The following USP6NL variants were observed in gnomAD, a reference collection of about 807,000 sequenced individuals.
The protein encoded by USP6NL is USP6 N-terminal like, also known as USP6 N-terminal-like protein.
Under a neutral mutation model 61.9 loss-of-function variants are expected in USP6NL, and 26 were observed. The observed-to-expected ratio is 0.42, with a 90% CI of 0.31 to 0.58. The LOEUF (loss-of-function observed/expected upper bound fraction) is 0.58. USP6NL is among the 20% of genes least tolerant of loss of function. USP6NL has a pLI of 0.16. For missense variants in USP6NL, 1,114 were observed against 1,034.3 expected (o/e 1.08, Z -1.06); for synonymous variants, 432 against 390.1 (o/e 1.11, Z -1.27).
Position 11,513,028 on chromosome 10 carries a change from G to A in USP6NL, c.196-3353C>T, listed in dbSNP as rs1432970035. On this transcript the variant is annotated intron_variant, in intron 5 of 14. Transcript: ENST00000609104. This position sits in a 1 kb window ranked among gnomAD's most constrained non-coding sequence, Gnocchi z 4.7. ...TCTAGTTGGCCTAAATGCCCAAATTGTATTATCAAAGTATGAACTCCTTGA... is the reference window on the plus strand; with the variant it reads ...TCTAGTTGGCCTAAATGCCCAAATTATATTATCAAAGTATGAACTCCTTGA... Among the ~76,000 whole-genome samples, 6 of 152,196 alleles carry A rather than the reference G, an allele frequency of 3.9e-5. No individual in the cohort carries two copies. Among genetic ancestry groups the A allele is most frequent in the Non-Finnish European group, 7.3e-5 (5 of 68,044 alleles).
chr10:11,558,677 T>C (rs1836809210), intron 2 of USP6NL, among the ~76,000 whole-genome samples: 1 of 152,188 alleles, frequency 6.6e-6, no homozygotes, highest in African/African-American at 2.4e-5. Context: ...CTAAAGATTA[T>C]CACATCTATT....
intron 2 of USP6NL, among the ~76,000 whole-genome samples, chr10:11,559,360 C>A (rs1372752182): frequency 6.6e-6 from 1 of 151,952 alleles, no homozygotes. Context: ...AGGATATAGC[C>A]TACTTTGTCA....
intron 6 of USP6NL, among the ~76,000 whole-genome samples, chr10:11,501,769 T>C (rs1191189255): frequency 3.3e-5 from 5 of 152,214 alleles, no homozygotes; most frequent in African/African-American, 7.2e-5. Flanking sequence ...ATCTTCAGTG[T>C]TCTCTCTTTC....
intron 8 of USP6NL, among the ~76,000 whole-genome samples, chr10:11,492,340 A>G (rs1323177624): frequency 6.6e-6 from 1 of 152,254 alleles, no homozygotes; most frequent in Non-Finnish European, 1.5e-5. Context: ...TCTAGGTGTC[A>G]CTGGGAACGT....
At position 11,463,477 on chromosome 10, in the gene USP6NL, A is replaced by G; in HGVS notation, c.1451T>C (p.Val484Ala). Reference protein sequence around the residue: ...NATSNIRKEFVPKWNKPSDVS... With the variant: ...NATSNIRKEFAPKWNKPSDVS... ...GTCTGACGGTTTATTCCATTTGGGC[A>G]CAAACTCCTTCCTGATATTTGAAGT... Residue 484 changes from valine to alanine, a missense_variant, in exon 15 of 15, where the codon GTG (valine) becomes GCG (alanine). Coordinates refer to ENST00000609104, the MANE Select transcript of USP6NL (RefSeq NM_014688.5). This position sits in a 1 kb window ranked among gnomAD's most constrained non-coding sequence, Gnocchi z 6.3. The G allele has an allele frequency of 6.2e-7, 1 of 1,614,054 alleles. No individual in the cohort carries two copies. The highest frequency in any genetic ancestry group is 1.1e-5 in the South Asian group (1 of 91,086).
rs1490989709 is a variant in USP6NL at position 11,494,398 on chromosome 10, C to T, written c.385-1170G>A. 2.6e-5 allele frequency among the ~76,000 whole-genome samples: 4 copies of T among 152,182 alleles called. No individual in the cohort carries two copies. In the South Asian group the frequency reaches 8.3e-4, roughly 31 times the overall value. Reference sequence around the variant, plus strand: ...TCTTTCAGCTCTCAGACATCTTCAACAATTCATTTGTCAACTTCTTCATCT... The same window carrying T: ...TCTTTCAGCTCTCAGACATCTTCAATAATTCATTTGTCAACTTCTTCATCT... On this transcript the variant is annotated intron_variant, in intron 7 of 14. Coordinates refer to ENST00000609104, the MANE Select transcript of USP6NL (RefSeq NM_014688.5).
At chr10:11,603,968 C>T (rs1042256622) in intron 1 of USP6NL, among the ~76,000 whole-genome samples, 4 of 152,134 alleles carry the variant, frequency 2.6e-5, no homozygotes, top group African/African-American at 9.7e-5. Flanking sequence ...AGGGAAATCA[C>T]TCAACATATA....
Position 11,463,644 on chromosome 10 carries a change from T to G in USP6NL, c.1284A>C (p.Ala428=), listed in dbSNP as rs775677538. ...PQSRTGTPER[A]QPPRRKSVEE... ...CCACCGATTTCCGTCTTGGCGGCTG[T>G]GCTCTCTCGGGCGTCCCGGTCCTGC... The change falls in exon 15 of 15, where the codon GCA becomes GCC. Residue 428 remains alanine, a synonymous_variant. Transcript: ENST00000609104. This position sits in a 1 kb window ranked among gnomAD's most constrained non-coding sequence, Gnocchi z 6.3. 1.2e-6 allele frequency: 2 copies of G among 1,613,996 alleles called. No homozygotes were observed. The highest frequency in any genetic ancestry group is 1.7e-6 in the Non-Finnish European group (2 of 1,179,870).
In USP6NL at chr10:11,601,806, G is replaced by A. The variant is rs547662452; in HGVS notation, c.-83-4089C>T. Among the ~76,000 whole-genome samples, 347 of 152,254 alleles carry A rather than the reference G, an allele frequency of 2.3e-3. 1 individual carries two copies. Among genetic ancestry groups the A allele is most frequent in the African/African-American group, 7.7e-3 (319 of 41,544 alleles). ...AGACTGATGATTATACATTATCTAC[G>A]TGGAGAAGGAGCTGGCTAACCAAGA... On this transcript the variant is annotated intron_variant, in intron 1 of 14. Transcript: ENST00000609104.
At position 11,470,492 on chromosome 10, in the gene USP6NL, G is replaced by T. The variant is rs1832691882; in HGVS notation, c.1079-6643C>A. ...CACATCATGCAGACCCTGTAAGAAGGACGAATGCCATCACCAGTAACATTT... is the reference window on the plus strand; with the variant it reads ...CACATCATGCAGACCCTGTAAGAAGTACGAATGCCATCACCAGTAACATTT... On this transcript the variant is annotated intron_variant, in intron 14 of 14. Coordinates refer to ENST00000609104, the MANE Select transcript of USP6NL (RefSeq NM_014688.5). This position sits in a 1 kb window ranked among gnomAD's most constrained non-coding sequence, Gnocchi z 5.4. Among the ~76,000 whole-genome samples, 1 of 152,168 alleles carries T rather than the reference G, an allele frequency of 6.6e-6. No homozygotes were observed. Among genetic ancestry groups the T allele is most frequent in the Non-Finnish European group, 1.5e-5 (1 of 68,028 alleles).
Position 11,462,694 on chromosome 10 carries a change from G to C in USP6NL, c.2234C>G (p.Pro745Arg), listed in dbSNP as rs2096220070. Residue 745 changes from proline (P) to arginine (R), a missense_variant, in exon 15 of 15, where the codon CCT (proline) becomes CGT (arginine). Coordinates refer to ENST00000609104, the MANE Select transcript of USP6NL (RefSeq NM_014688.5). Reference sequence around the variant, plus strand: ...GGTCCATGATTGTCCCTGCGTCTCAGGTCTGTATGTATAACTAACTTCTGA... The same window carrying C: ...GGTCCATGATTGTCCCTGCGTCTCACGTCTGTATGTATAACTAACTTCTGA... ...TWSEVSYTYR[P>R]ETQGQSWTRD... is the part of the protein sequence containing the mutation. 2 of 1,613,974 alleles carry C rather than the reference G, an allele frequency of 1.2e-6. No individual in the cohort carries two copies. Among genetic ancestry groups the C allele is most frequent in the Non-Finnish European group, 1.7e-6 (2 of 1,179,888 alleles).
At chr10:11,502,891 C>T (rs1219496142) in intron 6 of USP6NL, among the ~76,000 whole-genome samples, 3 of 152,056 alleles carry the variant, frequency 2.0e-5, no homozygotes, top group East Asian at 1.9e-4. Flanking sequence ...TAATCCCATG[C>T]GATCACTTTA....
At chr10:11,477,484 AC>A (rs1833018967) in intron 14 of USP6NL, among the ~76,000 whole-genome samples, 2 of 152,314 alleles carry the variant, frequency 1.3e-5, no homozygotes, top group South Asian at 2.1e-4. Context: ...CAAAACATTA[AC>A]CCCCAAAACA....
At chr10:11,473,447 C>T (rs574494514) in intron 14 of USP6NL, among the ~76,000 whole-genome samples, 41 of 152,200 alleles carry the variant, frequency 2.7e-4, no homozygotes, top group Admixed American at 1.4e-3. Context: ...GGCCAGGCAC[C>T]GGCTGAGAAG....
chr10:11,493,563 G>A (rs1332310740), intron 7 of USP6NL, among the ~76,000 whole-genome samples: 1 of 152,204 alleles, frequency 6.6e-6, no homozygotes, highest in East Asian at 1.9e-4. Flanking sequence ...CATGCAGTCT[G>A]TTATGATTTC....
chr10:11,610,422 C>T (rs115318190), intron 1 of USP6NL, among the ~76,000 whole-genome samples: 2,540 of 152,286 alleles, frequency 0.017, 74 homozygotes, highest in African/African-American at 0.057. Context: ...AGAACACTGA[C>T]TTCCCCCTGA....
intron 2 of USP6NL, among the ~76,000 whole-genome samples, chr10:11,566,492 G>A (rs1257998802): frequency 2.0e-5 from 3 of 152,126 alleles, no homozygotes; most frequent in South Asian, 4.1e-4. Flanking sequence ...ACTTTTGTTT[G>A]AGGTTATTAA....
intron 6 of USP6NL, among the ~76,000 whole-genome samples, chr10:11,506,503 A>G (rs1591859008): frequency 6.6e-6 from 1 of 151,930 alleles, no homozygotes; most frequent in South Asian, 2.1e-4. Context: ...TTTTTTAATT[A>G]GCAGGCATGG....
In USP6NL at chr10:11,484,774, G is replaced by A. The variant is rs998926; in HGVS notation, c.925+197C>T. On this transcript the variant is annotated intron_variant, in intron 13 of 14. Transcript: ENST00000609104. ...CAGAAAAGAACCAAAGACCTTTGCA[G>A]TGAAGTAAGCTTCTAGTCATGAGAA... Among the ~76,000 whole-genome samples, 6 of 152,098 alleles carry A rather than the reference G, an allele frequency of 3.9e-5. No individual in the cohort carries two copies. The East Asian group carries it at 1.2e-3, about 29-fold the overall frequency.
Sources: gnomAD v4.1 joint callset for allele counts (sites outside exome capture counted in the v4.1 genomes callset) on GRCh38, gnomAD v4.1.1 for gene constraint, Gnocchi (gnomAD v3.1) non-coding constraint, MANE v1.5 for transcripts, NCBI Gene and HGNC (gene_info 2026-07-23, HGNC 2026-07-21) for gene names.